INTS6: variants seen among roughly 807,000 people sequenced by gnomAD.
INTS6 encodes integrator complex subunit 6, also known as DEAD box protein.
A neutral mutation model predicts 104.9 loss-of-function variants in INTS6; 16 were observed. That is an observed-to-expected ratio of 0.15 (90% CI 0.10 to 0.23). INTS6 has a LOEUF of 0.23. Ranked by LOEUF, INTS6 falls within the 10% of genes least tolerant of loss-of-function variation. The probability of loss-of-function intolerance (pLI) is 1.00; values close to 1 mark genes in which losing one functional copy is unlikely to be tolerated. For missense variants in INTS6, 584 were observed against 1,062.8 expected, an observed-to-expected ratio of 0.55 and a Z score of 6.26; for synonymous variants, 324 against 358.7, an observed-to-expected ratio of 0.90 and a Z score of 1.09.
At chr13:51,450,099 A>T in intron 3 of INTS6, 1 of 985,384 alleles carries the variant, frequency 1.0e-6, no homozygotes, top group Non-Finnish European at 1.2e-6. Context: ...AACTCACAAA[A>T]CTAGGGACTG....
chr13:51,406,374 T>C (rs1956566137), intron 4 of INTS6, among the ~76,000 whole-genome samples: 1 of 151,938 alleles, frequency 6.6e-6, no homozygotes, highest in African/African-American at 2.4e-5. Flanking sequence ...CCCAAAATGG[T>C]CCTCTTCCAA....
intron 3 of INTS6, among the ~76,000 whole-genome samples, chr13:51,434,564 A>C (rs1233523540): frequency 5.9e-5 from 9 of 152,118 alleles, no homozygotes; most frequent in Admixed American, 5.2e-4. Context: ...TTACTACAAA[A>C]ATTAGAATAA....
chr13:51,362,181 G>T lies in INTS6; in HGVS notation c.*3571C>A. 5.6e-6 allele frequency: 4 copies of T among 715,332 alleles called. No individual in the cohort carries two copies. Among genetic ancestry groups the T allele is most frequent in the South Asian group, 3.1e-5 (1 of 32,302 alleles). The allele number at this position is 715,332 out of a possible 1,614,324, so 44.3% of individuals were successfully genotyped here. A position where few individuals can be genotyped will look rare whatever the true frequency, so the allele number is the denominator to read the frequency against. Reference sequence around the variant, plus strand: ...TAGGTTTCTACTTCTGAAGACACTTGGAAAAATCATGAAAGTAAAATAAAT... The same window carrying T: ...TAGGTTTCTACTTCTGAAGACACTTTGAAAAATCATGAAAGTAAAATAAAT... On this transcript the variant is annotated 3_prime_UTR_variant, in exon 18 of 18. Coordinates refer to ENST00000311234, the MANE Select transcript of INTS6 (RefSeq NM_012141.3).
the INTS6 span, chr13:51,347,059 G>A: frequency 4.0e-4 from 635 of 1,596,588 alleles, 1 homozygote; most frequent in Non-Finnish European, 4.9e-4. Context: ...GTGGCTGGCC[G>A]TGGGAGCAAG....
chr13:51,338,620 A>G, the INTS6 span, among the ~76,000 whole-genome samples: 1 of 152,212 alleles, frequency 6.6e-6, no homozygotes, highest in Non-Finnish European at 1.5e-5. Context: ...AAACCTGTTT[A>G]TTCTCCTTTC....
At chr13:51,426,008 A>T (rs978049297) in intron 4 of INTS6, among the ~76,000 whole-genome samples, 1 of 152,058 alleles carries the variant, frequency 6.6e-6, no homozygotes, top group Non-Finnish European at 1.5e-5. Context: ...AATTCAATCC[A>T]AGTAATCATC....
intron 3 of INTS6, among the ~76,000 whole-genome samples, chr13:51,430,716 T>C (rs1417181996): frequency 6.6e-6 from 1 of 152,178 alleles, no homozygotes; most frequent in Non-Finnish European, 1.5e-5. Flanking sequence ...ATTCTAATAA[T>C]TTGATTTTTG....
intron 5 of INTS6, among the ~76,000 whole-genome samples, chr13:51,389,685 AC>A (rs1956209744): frequency 6.6e-6 from 1 of 152,200 alleles, no homozygotes; most frequent in Non-Finnish European, 1.5e-5. Flanking sequence ...TCTTCTAATT[AC>A]AGGTATTTGG....
At chr13:51,386,070 C>T (rs1158697381) in intron 7 of INTS6, among the ~76,000 whole-genome samples, 1 of 152,108 alleles carries the variant, frequency 6.6e-6, no homozygotes, top group African/African-American at 2.4e-5. Flanking sequence ...TGTTATGATC[C>T]ACCCGTACTC....
At chr13:51,388,998 G>A (rs975402371) in intron 6 of INTS6, among the ~76,000 whole-genome samples, 8 of 152,198 alleles carry the variant, frequency 5.3e-5, no homozygotes, top group African/African-American at 1.9e-4. Context: ...AAGGGCATAG[G>A]AGAAGCATAT....
At chr13:51,352,569 T>C (rs1037515428), downstream of INTS6, among the ~76,000 whole-genome samples, 1 of 152,018 alleles carries the variant, frequency 6.6e-6, no homozygotes, top group African/African-American at 2.4e-5. Context: ...CTAACCTGGA[T>C]GCCTTCTATT....
intron 4 of INTS6, among the ~76,000 whole-genome samples, chr13:51,417,452 CTTTTT>C (rs34887995): frequency 5.3e-5 from 6 of 112,572 alleles, no homozygotes; most frequent in Non-Finnish European, 5.2e-5. Flanking sequence ...TAAGAAAATT[CTTTTT>C]TTTTTTTTTT....
At chr13:51,415,213 T>C (rs947482647) in intron 4 of INTS6, among the ~76,000 whole-genome samples, 1 of 152,092 alleles carries the variant, frequency 6.6e-6, no homozygotes, top group Non-Finnish European at 1.5e-5. Context: ...ATTTGAAAAA[T>C]TTCAATCTCA....
intron 5 of INTS6, among the ~76,000 whole-genome samples, chr13:51,391,294 G>A (rs1956242894): frequency 6.6e-6 from 1 of 152,034 alleles, no homozygotes; most frequent in Non-Finnish European, 1.5e-5. Flanking sequence ...TATAAACTAT[G>A]ACAATTATCT....
intron 15 of INTS6, among the ~76,000 whole-genome samples, chr13:51,370,421 G>A (rs1955781058): frequency 6.6e-6 from 1 of 152,180 alleles, no homozygotes; most frequent in South Asian, 2.1e-4. Context: ...GTACAAGCCT[G>A]TAAGCCACTG....
At chr13:51,373,530 T>C (rs1239257584) in intron 15 of INTS6, among the ~76,000 whole-genome samples, 1 of 152,218 alleles carries the variant, frequency 6.6e-6, no homozygotes, top group Non-Finnish European at 1.5e-5. Flanking sequence ...CTTCTATCTT[T>C]CAGTTCTCAC....
intron 4 of INTS6, among the ~76,000 whole-genome samples, chr13:51,417,479 G>A (rs1451018752): frequency 7.1e-6 from 1 of 141,758 alleles, no homozygotes; most frequent in Non-Finnish European, 1.5e-5. Flanking sequence ...TTTTGAGACG[G>A]AGTCTTGCTC....
intron 15 of INTS6, among the ~76,000 whole-genome samples, chr13:51,373,871 T>G (rs535817074): frequency 6.6e-6 from 1 of 152,336 alleles, no homozygotes; most frequent in East Asian, 1.9e-4. Flanking sequence ...TTATCCAAAA[T>G]AGCATACATA....
chr13:51,408,677 TAACTC>T (rs1464514196), intron 4 of INTS6, among the ~76,000 whole-genome samples: 6 of 152,296 alleles, frequency 3.9e-5, no homozygotes, highest in South Asian at 4.1e-4. Context: ...TCTTTCTTGA[TAACTC>T]AAAGAAGTAG....
Sources: gnomAD v4.1 joint callset for allele counts (sites outside exome capture counted in the v4.1 genomes callset) on GRCh38, gnomAD v4.1.1 for gene constraint, MANE v1.5 for transcripts, NCBI Gene and HGNC (gene_info 2026-07-23, HGNC 2026-07-21) for gene names.